Variants in DMC1 observed in about 807,000 individuals in gnomAD.
The protein encoded by DMC1 is meiotic recombination protein DMC1 homolog.
A neutral mutation model predicts 50.1 loss-of-function variants in DMC1; 27 were observed. That is an observed-to-expected ratio of 0.54 (90% confidence interval 0.40 to 0.74). The LOEUF (loss-of-function observed/expected upper bound fraction) is 0.74. Among genes scored for constraint, DMC1 ranks in the 30% least tolerant of loss-of-function variants. The pLI, the probability that DMC1 is intolerant of heterozygous loss-of-function variation, is 0.00. For missense variants in DMC1, 295 were observed against 420.2 expected (o/e 0.70, Z 2.60); for synonymous variants, 148 against 136.1 (o/e 1.09, Z -0.61).
downstream of DMC1, among the ~76,000 whole-genome samples, chr22:38,516,491 C>A: frequency 6.6e-6 from 1 of 152,300 alleles, no homozygotes; most frequent in Admixed American, 6.5e-5. Context: ...AATTGGTCCA[C>A]CCCCTCTCCA....
chr22:38,544,667 C>T (rs2090323263), intron 8 of DMC1, among the ~76,000 whole-genome samples: 1 of 151,906 alleles, frequency 6.6e-6, no homozygotes, highest in Non-Finnish European at 1.5e-5. Flanking sequence ...TGCTCTGTCC[C>T]CAGGCTGGAG....
At chr22:38,559,256 C>T (rs770252612) in intron 5 of DMC1, among the ~76,000 whole-genome samples, 1 of 152,142 alleles carries the variant, frequency 6.6e-6, no homozygotes, top group African/African-American at 2.4e-5. Flanking sequence ...GTCTCGAACT[C>T]CTGATCTCAA....
the DMC1 span, among the ~76,000 whole-genome samples, chr22:38,513,446 C>T: frequency 6.6e-6 from 1 of 152,160 alleles, no homozygotes; most frequent in African/African-American, 2.4e-5. Context: ...AAACATTTGC[C>T]CTAACAAGCC....
chr22:38,547,878 CTTG>C (rs1256832650), intron 8 of DMC1, among the ~76,000 whole-genome samples: 2 of 152,104 alleles, frequency 1.3e-5, no homozygotes, highest in African/African-American at 2.4e-5. Context: ...GCCTCCCTCC[CTTG>C]TTGTTTGTTT....
At chr22:38,526,296 C>G (rs1243400029) in intron 12 of DMC1, among the ~76,000 whole-genome samples, 2 of 152,036 alleles carry the variant, frequency 1.3e-5, no homozygotes, top group African/African-American at 4.8e-5. Flanking sequence ...TCTCCACCTC[C>G]CGGGTTCAAG....
chr22:38,562,785 A>G (rs1197426603), intron 4 of DMC1, among the ~76,000 whole-genome samples: 1 of 151,984 alleles, frequency 6.6e-6, no homozygotes, highest in African/African-American at 2.4e-5. Flanking sequence ...ATGTGTATAC[A>G]TATACATATA....
downstream of DMC1, among the ~76,000 whole-genome samples, chr22:38,513,951 T>C (rs1324071910): frequency 2.0e-5 from 3 of 152,208 alleles, no homozygotes; most frequent in African/African-American, 7.2e-5. Context: ...AAGCAGTAAC[T>C]TGGCTACTGT....
intron 8 of DMC1, among the ~76,000 whole-genome samples, chr22:38,548,853 A>AT (rs952274687): frequency 2.0e-5 from 3 of 152,104 alleles, no homozygotes; most frequent in African/African-American, 7.2e-5. Flanking sequence ...AAAAAAAAAA[A>AT]GTAAAATTAG....
chr22:38,541,313 A>G (rs181976698), intron 8 of DMC1, among the ~76,000 whole-genome samples: 2 of 152,206 alleles, frequency 1.3e-5, no homozygotes, highest in East Asian at 3.9e-4. Flanking sequence ...TTTTTTTGAG[A>G]TGGAGTCTCA....
At chr22:38,509,831 A>G in the DMC1 span, among the ~76,000 whole-genome samples, 1 of 151,996 alleles carries the variant, frequency 6.6e-6, no homozygotes, top group South Asian at 2.1e-4. Flanking sequence ...CATGACGCTA[A>G]TTTTTATATT....
At chr22:38,524,076 T>C (rs2090060016) in intron 12 of DMC1, among the ~76,000 whole-genome samples, 1 of 152,136 alleles carries the variant, frequency 6.6e-6, no homozygotes, top group Non-Finnish European at 1.5e-5. Context: ...CCTTTTCCAT[T>C]CTTATCCCCT....
chr22:38,526,268 G>C (rs936313723), intron 12 of DMC1, among the ~76,000 whole-genome samples: 3 of 151,748 alleles, frequency 2.0e-5, no homozygotes, highest in Non-Finnish European at 4.4e-5. Context: ...GCAATGCCGT[G>C]ATCGCGGCTC....
chr22:38,525,880 C>T (rs974536074), intron 12 of DMC1, among the ~76,000 whole-genome samples: 4 of 151,870 alleles, frequency 2.6e-5, no homozygotes, highest in African/African-American at 4.8e-5. Context: ...GTTGAGGCTG[C>T]GGTGAGTGTT....
chr22:38,567,293 T>C (rs2090589815), intron 3 of DMC1, among the ~76,000 whole-genome samples: 2 of 152,236 alleles, frequency 1.3e-5, no homozygotes, highest in South Asian at 2.1e-4. Context: ...CAGGTCATTA[T>C]TCAAAGGCTG....
chr22:38,523,912 A>C (rs2090058358), intron 12 of DMC1, among the ~76,000 whole-genome samples: 1 of 152,220 alleles, frequency 6.6e-6, no homozygotes, highest in Non-Finnish European at 1.5e-5. Context: ...TATCAAAAGG[A>C]GCTAAGAACG....
At chr22:38,544,630 CTT>C (rs142876191) in intron 8 of DMC1, among the ~76,000 whole-genome samples, 16 of 143,652 alleles carry the variant, frequency 1.1e-4, no homozygotes, top group African/African-American at 1.0e-4. Context: ...AATAAACTTT[CTT>C]TTTTTTTTTT....
chr22:38,534,360 G>C (rs1397617091), intron 12 of DMC1, among the ~76,000 whole-genome samples: 1 of 152,154 alleles, frequency 6.6e-6, no homozygotes, highest in Non-Finnish European at 1.5e-5. Flanking sequence ...TGATGTCTGT[G>C]AATAATTTTC....
At chr22:38,559,024 ATTTTCTTTTTCTTT>A (rs1845385484) in intron 5 of DMC1, among the ~76,000 whole-genome samples, 1 of 151,800 alleles carries the variant, frequency 6.6e-6, no homozygotes, top group South Asian at 2.1e-4. Context: ...TTAAACAGGT[ATTTTCTTTTTCTTT>A]TTTTCTTTTG....
chr22:38,535,594 C>G (rs746979644), intron 12 of DMC1, among the ~76,000 whole-genome samples: 30 of 151,782 alleles, frequency 2.0e-4, no homozygotes, highest in Non-Finnish European at 4.0e-4. Flanking sequence ...TAAATAAAAA[C>G]CTTTAAAAAA....
Sources: allele counts gnomAD v4.1 joint callset (sites outside exome capture counted in the v4.1 genomes callset), GRCh38; gene constraint gnomAD v4.1.1; transcripts MANE v1.5; gene names NCBI Gene and HGNC (gene_info 2026-07-23, HGNC 2026-07-21).